Variants in NTRK2 observed in about 807,000 individuals in gnomAD.
The protein encoded by NTRK2 is neurotrophic receptor tyrosine kinase 2.
In NTRK2, 13 loss-of-function variants were observed where a neutral mutation model predicts 94.5. The ratio of observed to expected loss-of-function variants is 0.14; its 90% confidence interval spans 0.09 to 0.22. The LOEUF is 0.22. Ranked by LOEUF, NTRK2 falls within the 10% of genes least tolerant of loss-of-function variation. The pLI, the probability that NTRK2 is intolerant of heterozygous loss-of-function variation, is 1.00. For missense variants in NTRK2, 639 were observed against 1,071.2 expected (o/e 0.60, Z 5.63); for synonymous variants, 372 against 407.4 (o/e 0.91, Z 1.05).
chr9:84,737,008 A>C (rs564507068), intron 9 of NTRK2, among the ~76,000 whole-genome samples: 1 of 152,340 alleles, frequency 6.6e-6, no homozygotes, highest in East Asian at 1.9e-4. Context: ...AATAGAACAA[A>C]TCTTTTGTAA....
At chr9:84,763,332 G>A (rs914503668) in intron 12 of NTRK2, among the ~76,000 whole-genome samples, 26 of 151,976 alleles carry the variant, frequency 1.7e-4, no homozygotes, top group African/African-American at 6.0e-4. Flanking sequence ...CTTCCTGCCT[G>A]TATCTAACCA....
intron 6 of NTRK2, among the ~76,000 whole-genome samples, chr9:84,721,743 G>A (rs1217199173): frequency 6.6e-6 from 1 of 152,142 alleles, no homozygotes; most frequent in Non-Finnish European, 1.5e-5. Context: ...GGTGCCTCAG[G>A]GAACAGGAAA....
At chr9:85,008,314 G>C (rs1831189044) in intron 17 of NTRK2, among the ~76,000 whole-genome samples, 1 of 151,970 alleles carries the variant, frequency 6.6e-6, no homozygotes, top group Admixed American at 6.5e-5. Flanking sequence ...ACTCAACTTT[G>C]TTTCCCCACA....
intron 2 of NTRK2, among the ~76,000 whole-genome samples, chr9:84,696,070 C>T (rs1191991038): frequency 3.3e-5 from 5 of 152,152 alleles, no homozygotes; most frequent in Admixed American, 2.0e-4. Flanking sequence ...GTGCAGTTGG[C>T]GCTATCATGG....
intron 12 of NTRK2, among the ~76,000 whole-genome samples, chr9:84,798,876 A>G (rs1382995276): frequency 6.7e-6 from 1 of 149,174 alleles, no homozygotes; most frequent in African/African-American, 2.5e-5. Flanking sequence ...GCTGATATTT[A>G]CTGAACACCT....
rs200595566 is a variant in NTRK2 at position 84,948,642 on chromosome 9, G to T, written c.1937+8G>T. The T allele has an allele frequency of 4.4e-5, 71 of 1,613,834 alleles. No individual in the cohort carries two copies. Among genetic ancestry groups the T allele is most frequent in the Non-Finnish European group, 5.6e-5 (66 of 1,179,914 alleles). On this transcript the variant is annotated splice_region_variant and intron_variant, in intron 16 of 18. Transcript: ENST00000277120. ...CCTCAACAAGTTCCTCAGGTACAGT[G>T]AGGCGGGGAGGTGGGCTCCAGGAGG...
rs145926186 is a variant in NTRK2, at chr9:84,854,505, A to T, written c.1397-6535A>T. ...ATAATAAACAACAAATCAATAAAAA[A>T]GGTCACATATGGGTACCTATTGAAA... On this transcript the variant is annotated intron_variant, in intron 12 of 18. Coordinates refer to ENST00000277120, the MANE Select transcript of NTRK2 (RefSeq NM_006180.6). Among the ~76,000 whole-genome samples, 1,366 of 152,286 alleles carry T rather than the reference A, an allele frequency of 9.0e-3. 11 individuals are homozygous for T. The highest frequency in any genetic ancestry group is 0.014 in the Non-Finnish European group (963 of 68,028).
intron 17 of NTRK2, among the ~76,000 whole-genome samples, chr9:84,966,447 T>C (rs1041280285): frequency 3.9e-5 from 6 of 152,172 alleles, no homozygotes; most frequent in Non-Finnish European, 8.8e-5. Context: ...GTTTGTTTGT[T>C]TTGAAGTGGA....
At chr9:84,934,014 A>T in intron 14 of NTRK2, 148 bp from the exon 15 acceptor site, 1 of 803,584 alleles carries the variant, frequency 1.2e-6, no homozygotes, top group Non-Finnish European at 2.1e-6. Context: ...GTGGACTGTG[A>T]AGATGGACAC....
chr9:84,925,343 G>A (rs1301272065), intron 14 of NTRK2, among the ~76,000 whole-genome samples: 1 of 151,708 alleles, frequency 6.6e-6, no homozygotes, highest in Non-Finnish European at 1.5e-5. Flanking sequence ...GTCTGCCCCT[G>A]CATCCTCCGC....
intron 17 of NTRK2, among the ~76,000 whole-genome samples, chr9:84,968,237 C>T (rs1355176627): frequency 6.6e-6 from 1 of 152,202 alleles, no homozygotes; most frequent in Non-Finnish European, 1.5e-5. Flanking sequence ...ACTCCATGCT[C>T]TTCCCACTCT....
At chr9:84,944,215 T>TCACACACACACACACACA (rs56021326) in intron 15 of NTRK2, among the ~76,000 whole-genome samples, 5 of 120,332 alleles carry the variant, frequency 4.2e-5, no homozygotes, top group East Asian at 2.3e-4. Context: ...TCTCTCTCTC[T>TCACACACACACACACACA]CACACACACA....
At chr9:84,906,901 A>T (rs564711898) in intron 14 of NTRK2, among the ~76,000 whole-genome samples, 1 of 152,336 alleles carries the variant, frequency 6.6e-6, no homozygotes, top group African/African-American at 2.4e-5. Flanking sequence ...TCCATCCTTA[A>T]TCACTTTTTA....
intron 14 of NTRK2, among the ~76,000 whole-genome samples, chr9:84,908,865 T>C (rs1468509968): frequency 6.6e-6 from 1 of 152,196 alleles, no homozygotes; most frequent in Non-Finnish European, 1.5e-5. Flanking sequence ...TTAATTAAAC[T>C]TCTGCTTTGA....
chr9:84,712,236 C>G (rs753102024), intron 6 of NTRK2, among the ~76,000 whole-genome samples: 1 of 152,098 alleles, frequency 6.6e-6, no homozygotes, highest in Admixed American at 6.5e-5. Flanking sequence ...TCATTTTTTT[C>G]CATTGTAATT....
intron 5 of NTRK2, among the ~76,000 whole-genome samples, chr9:84,708,233 A>G (rs1267972594): frequency 2.6e-5 from 4 of 152,202 alleles, no homozygotes; most frequent in African/African-American, 4.8e-5. Context: ...AAACGGCTGT[A>G]TGCTTTATAT....
intron 2 of NTRK2, among the ~76,000 whole-genome samples, chr9:84,688,594 A>G (rs1652141877): frequency 6.6e-6 from 1 of 152,202 alleles, no homozygotes; most frequent in Non-Finnish European, 1.5e-5. Flanking sequence ...GTTAAACGTC[A>G]TTAGCTACCA....
chr9:84,881,975 G>C (rs1346009455), intron 14 of NTRK2, among the ~76,000 whole-genome samples: 8 of 152,180 alleles, frequency 5.3e-5, no homozygotes, highest in African/African-American at 1.9e-4. Flanking sequence ...TTACACAATA[G>C]TCATATGGTG....
At chr9:84,734,105 T>A (rs1224804599) in intron 9 of NTRK2, among the ~76,000 whole-genome samples, 1 of 152,038 alleles carries the variant, frequency 6.6e-6, no homozygotes, top group Admixed American at 6.5e-5. Flanking sequence ...CACCTTGGAG[T>A]GTGAAGCGTG....
Sources: allele counts gnomAD v4.1 joint callset (sites outside exome capture counted in the v4.1 genomes callset), GRCh38; gene constraint gnomAD v4.1.1; transcripts MANE v1.5; gene names NCBI Gene and HGNC (gene_info 2026-07-23, HGNC 2026-07-21).